MEIS1: variants seen among roughly 807,000 people sequenced by gnomAD.
The protein encoded by MEIS1 is homeobox protein Meis1.
In MEIS1, 5 loss-of-function variants were observed where a neutral mutation model predicts 50.8. The ratio of observed to expected loss-of-function variants is 0.10; its 90% CI spans 0.05 to 0.21. The LOEUF (loss-of-function observed/expected upper bound fraction) is 0.21, where lower values mean the gene tolerates loss of function less well. Among genes scored for constraint, MEIS1 ranks in the 10% least tolerant of loss-of-function variants. The probability of loss-of-function intolerance (pLI) is 1.00; values close to 1 mark genes in which losing one functional copy is unlikely to be tolerated. For missense variants in MEIS1, 318 were observed against 517.3 expected, an observed-to-expected ratio of 0.61 and a Z score of 3.74; for synonymous variants, 176 against 179.3, an observed-to-expected ratio of 0.98 and a Z score of 0.15.
Position 66,543,576 on chromosome 2 carries a change from A to G in MEIS1, c.889-4367A>G, listed in dbSNP as rs996992995. Among the ~76,000 whole-genome samples, 5 of 152,284 alleles carry G rather than the reference A, an allele frequency of 3.3e-5. No homozygotes were observed. In the East Asian group the frequency reaches 5.8e-4, roughly 18 times the overall value. On this transcript the variant is annotated intron_variant, in intron 8 of 12. Coordinates refer to ENST00000272369, the MANE Select transcript of MEIS1 (RefSeq NM_002398.3). ...AGGGAGGGGCCAGCTTTACCCATAC[A>G]TAATCACTGTTTTATGGCTTTCACT... is the stretch of plus-strand genomic sequence containing the variant.
chr2:66,520,540 T>C (rs889201968), intron 8 of MEIS1, among the ~76,000 whole-genome samples: 4 of 151,974 alleles, frequency 2.6e-5, no homozygotes, highest in Non-Finnish European at 5.9e-5. Flanking sequence ...ACAAAATGAA[T>C]TCGTTGAAAA....
chr2:66,532,001 G>A (rs1031824658), intron 8 of MEIS1, among the ~76,000 whole-genome samples: 16 of 152,046 alleles, frequency 1.1e-4, no homozygotes, highest in African/African-American at 2.9e-4. Context: ...TGGACCAGAT[G>A]TCCTTTGCAT....
At chr2:66,459,702 TAG>T (rs1003144757) in intron 6 of MEIS1, among the ~76,000 whole-genome samples, 2 of 151,520 alleles carry the variant, frequency 1.3e-5, no homozygotes, top group Non-Finnish European at 2.9e-5. Context: ...GAGAGAGAGA[TAG>T]AGAGAGAGCG....
At chr2:66,504,187 G>A (rs1409046073) in intron 7 of MEIS1, among the ~76,000 whole-genome samples, 1 of 151,956 alleles carries the variant, frequency 6.6e-6, no homozygotes, top group African/African-American at 2.4e-5. Context: ...GTCCACTAAA[G>A]GGCAGAAAAA....
chr2:66,565,926 T>G (rs1278013248), intron 9 of MEIS1, among the ~76,000 whole-genome samples: 2 of 152,206 alleles, frequency 1.3e-5, no homozygotes, highest in Non-Finnish European at 2.9e-5. Context: ...TTTTTTCATT[T>G]TAATTGGTTA....
chr2:66,477,411 T>A (rs1171138337), intron 7 of MEIS1, among the ~76,000 whole-genome samples: 2 of 152,198 alleles, frequency 1.3e-5, no homozygotes, highest in Non-Finnish European at 2.9e-5. Context: ...TTCTTTTGAA[T>A]GTAGCTTTGC....
intron 6 of MEIS1, among the ~76,000 whole-genome samples, chr2:66,444,622 G>C (rs1029994233): frequency 6.6e-6 from 1 of 152,240 alleles, no homozygotes; most frequent in East Asian, 1.9e-4. Context: ...CGGCCCCACA[G>C]AAGTGGGAAA....
chr2:66,469,731 T>G (rs1167884446), intron 7 of MEIS1, among the ~76,000 whole-genome samples: 4 of 152,180 alleles, frequency 2.6e-5, no homozygotes, highest in African/African-American at 9.7e-5. Flanking sequence ...TACTTCCAAT[T>G]ATGGCTCGGC....
rs1675506995 is a variant in MEIS1, at chr2:66,572,581, A to G, written c.*1373A>G. The stretch of plus-strand genomic sequence containing the variant: ...GTTGTGGATAAACAAATGCTTGTTG[A>G]TAGCCTTTTTCTATCAAGAAACCAA... On this transcript the variant is annotated 3_prime_UTR_variant, in exon 13 of 13. Coordinates refer to ENST00000272369, the MANE Select transcript of MEIS1 (RefSeq NM_002398.3). The G allele has an allele frequency of 6.6e-6, 1 of 152,146 alleles. No individual in the cohort carries two copies. The highest frequency in any genetic ancestry group is 2.4e-5 in the African/African-American group (1 of 41,426). The allele number at this position is 152,146 out of a possible 1,614,324, so 9.4% of individuals were successfully genotyped here.
At chr2:66,491,042 G>GA (rs147442743) in intron 7 of MEIS1, among the ~76,000 whole-genome samples, 3,917 of 133,514 alleles carry the variant, frequency 0.029, 146 homozygotes, top group African/African-American at 0.09. Context: ...ACAACAACAA[G>GA]AAAAAAAAAA....
intron 8 of MEIS1, among the ~76,000 whole-genome samples, chr2:66,541,380 TC>T (rs1357293087): frequency 3.3e-5 from 5 of 152,326 alleles, no homozygotes; most frequent in South Asian, 2.1e-4. Flanking sequence ...TAAAACAATG[TC>T]TTTACTACTG....
chr2:66,445,981 G>A (rs1672132967), intron 6 of MEIS1, among the ~76,000 whole-genome samples: 1 of 152,192 alleles, frequency 6.6e-6, no homozygotes, highest in Non-Finnish European at 1.5e-5. Context: ...AGCCTCCTGG[G>A]CGCCCTCTCC....
At chr2:66,523,930 CAATTTCATGATAAAT>C (rs1156924158) in intron 8 of MEIS1, among the ~76,000 whole-genome samples, 1 of 152,102 alleles carries the variant, frequency 6.6e-6, no homozygotes, top group Non-Finnish European at 1.5e-5. Context: ...AATTCATTAC[CAATTTCATGATAAAT>C]AATTTAAATA....
chr2:66,467,521 C>A (rs927065023), intron 7 of MEIS1, among the ~76,000 whole-genome samples: 5 of 151,804 alleles, frequency 3.3e-5, no homozygotes, highest in Non-Finnish European at 5.9e-5. Context: ...CGCTTGAACC[C>A]AGGAGGCGGA....
intron 8 of MEIS1, among the ~76,000 whole-genome samples, chr2:66,538,882 T>TG (rs1240174715): frequency 5.9e-5 from 9 of 151,642 alleles, no homozygotes; most frequent in East Asian, 3.9e-4. Flanking sequence ...AAAGAGTTTT[T>TG]TTTTTTTTTT....
intron 6 of MEIS1, among the ~76,000 whole-genome samples, chr2:66,455,476 T>C (rs1239898618): frequency 6.6e-6 from 1 of 152,214 alleles, no homozygotes; most frequent in African/African-American, 2.4e-5. Context: ...TTCTGAGTGT[T>C]GTTTTACATC....
At chr2:66,458,954 A>T (rs1054654980) in intron 6 of MEIS1, among the ~76,000 whole-genome samples, 2 of 152,214 alleles carry the variant, frequency 1.3e-5, no homozygotes, top group African/African-American at 2.4e-5. Flanking sequence ...TTTTCCTAGG[A>T]TGGAGGATAT....
In MEIS1 at chr2:66,435,769, C is replaced by CTG; in HGVS notation, c.-88_-87insTG. On this transcript the variant is annotated 5_prime_UTR_variant, in exon 1 of 13. Transcript: ENST00000272369. ...TTTTTTTTTTTTTTTTTTTTTTTTC[C>CTG]GGGGGAGTTTGAATATTTGTTTCTT... is the stretch of plus-strand genomic sequence containing the variant. 2 of 394,898 alleles carry CTG rather than the reference C, an allele frequency of 5.1e-6. No individual in the cohort carries two copies. The highest frequency in any genetic ancestry group is 4.1e-6 in the Non-Finnish European group (1 of 246,466). 24.5% of individuals were successfully genotyped at this position (394,898 alleles called of 1,614,324 possible). A position where few individuals can be genotyped will look rare whatever the true frequency, so the allele number is the denominator to read the frequency against.
chr2:66,518,260 C>T (rs1296486466), intron 8 of MEIS1, among the ~76,000 whole-genome samples: 1 of 152,202 alleles, frequency 6.6e-6, no homozygotes, highest in African/African-American at 2.4e-5. Flanking sequence ...CTCTATGTTA[C>T]TGTCAGAGTA....
Sources: gnomAD v4.1 joint callset for allele counts (sites outside exome capture counted in the v4.1 genomes callset) on GRCh38, gnomAD v4.1.1 for gene constraint, MANE v1.5 for transcripts, NCBI Gene and HGNC (gene_info 2026-07-23, HGNC 2026-07-21) for gene names.